FAIM2: variants seen among roughly 807,000 people sequenced by gnomAD.
The protein encoded by FAIM2 is protein lifeguard 2.
FAIM2 carries 27 observed loss-of-function variants against 47.4 expected under a neutral mutation model. The observed-to-expected ratio is 0.57, with a 90% CI of 0.42 to 0.78. FAIM2 has a LOEUF of 0.78. Among genes scored for constraint, FAIM2 ranks in the 30% least tolerant of loss-of-function variants. The pLI is 0.00. For missense variants in FAIM2, 311 were observed against 389.4 expected (o/e 0.80, Z 1.69); for synonymous variants, 156 against 159.3 (o/e 0.98, Z 0.16).
At position 49,901,377 on chromosome 12, in the gene FAIM2, C is replaced by T. The variant is rs769941869; in HGVS notation, c.16-52G>A. 3 of 1,370,676 alleles carry T rather than the reference C, an allele frequency of 2.2e-6. No homozygotes were observed. In the East Asian group the frequency reaches 7.9e-5, roughly 36 times the overall value. The allele number at this position is 1,370,676 out of a possible 1,614,324, so 84.9% of individuals were successfully genotyped here. ...TAGTCACCAGGGAAAGGGAGCCTTCCAACTCCTCCTCCTCACCAACTCTTC... is the reference window on the plus strand; with the variant it reads ...TAGTCACCAGGGAAAGGGAGCCTTCTAACTCCTCCTCCTCACCAACTCTTC... On this transcript the variant is annotated intron_variant, in intron 1 of 11. Transcript: ENST00000320634.
chr12:49,879,917 CAT>C (rs201150844), intron 11 of FAIM2, among the ~76,000 whole-genome samples: 4,167 of 144,134 alleles, frequency 0.029, 131 homozygotes, highest in African/African-American at 0.1. Context: ...TATATGTGTG[CAT>C]ATGTGTATGT....
At position 49,897,076 on chromosome 12, in the gene FAIM2, A is replaced by C; in HGVS notation, c.389T>G (p.Val130Gly). The part of the protein sequence containing the change: ...VVALFTFCDP[V>G]KDYVQANPGW... ...TGGGTTGGCCTGGACATAGTCCTTG[A>C]CAGGGTCACTGCAGAGAAGAGAGAG... The change falls in exon 5 of 12, where the codon GTC becomes GGC. Residue 130 changes from valine to glycine, a missense_variant. Coordinates refer to ENST00000320634, the MANE Select transcript of FAIM2 (RefSeq NM_012306.4). 6.2e-7 allele frequency: 1 copy of C among 1,613,500 alleles called. No homozygotes were observed. Among genetic ancestry groups the C allele is most frequent in the Non-Finnish European group, 8.5e-7 (1 of 1,179,426 alleles).
intron 11 of FAIM2, among the ~76,000 whole-genome samples, chr12:49,875,250 G>A (rs1270749856): frequency 6.6e-6 from 1 of 152,202 alleles, no homozygotes; most frequent in Non-Finnish European, 1.5e-5. Flanking sequence ...TCTGCGGCAG[G>A]TGTCGCACTA....
intron 5 of FAIM2, among the ~76,000 whole-genome samples, 157 bp downstream of exon 5, chr12:49,896,874 G>A (rs778329316): frequency 8.5e-5 from 13 of 152,184 alleles, no homozygotes; most frequent in Admixed American, 5.2e-4. Flanking sequence ...CTCTGAAGCC[G>A]ACAGAATGGG....
chr12:49,880,567 T>C (rs1296066725), intron 11 of FAIM2, among the ~76,000 whole-genome samples: 1 of 10,400 alleles, frequency 9.6e-5, no homozygotes, highest in African/African-American at 9.5e-4. Context: ...TGTGCATGTG[T>C]GTATCTGTGC....
At chr12:49,881,398 T>C (rs1946824780) in intron 11 of FAIM2, among the ~76,000 whole-genome samples, 1 of 152,174 alleles carries the variant, frequency 6.6e-6, no homozygotes. Flanking sequence ...TAATGTCCTA[T>C]GCCTCATTCC....
At chr12:49,895,324 C>G (rs1454429605) in intron 5 of FAIM2, among the ~76,000 whole-genome samples, 2 of 151,996 alleles carry the variant, frequency 1.3e-5, no homozygotes, top group Admixed American at 6.5e-5. Context: ...CCCTCCCAAT[C>G]CCCCCATCCC....
At chr12:49,903,656 C>T (rs965669182) in intron 1 of FAIM2, 122 bp downstream of exon 1, 2 of 1,313,698 alleles carry the variant, frequency 1.5e-6, no homozygotes, top group Non-Finnish European at 2.1e-6. Flanking sequence ...GCAAGGACCA[C>T]GGAGGACCTT....
At chr12:49,882,110 T>A (rs975506688) in intron 11 of FAIM2, among the ~76,000 whole-genome samples, 10 of 152,226 alleles carry the variant, frequency 6.6e-5, no homozygotes, top group African/African-American at 2.4e-4. Context: ...CACAGTCTCC[T>A]TGAGGCGACA....
intron 11 of FAIM2, among the ~76,000 whole-genome samples, chr12:49,886,018 C>T (rs1367003363): frequency 2.0e-5 from 3 of 152,180 alleles, no homozygotes; most frequent in Non-Finnish European, 4.4e-5. Context: ...CCCATTTCAG[C>T]CCCCTCAGCC....
chr12:49,886,454 G>T (rs1176926970), intron 11 of FAIM2, among the ~76,000 whole-genome samples: 1 of 152,132 alleles, frequency 6.6e-6, no homozygotes, highest in Non-Finnish European at 1.5e-5. Flanking sequence ...CTGAGCTTCA[G>T]TTTCCCCATC....
intron 2 of FAIM2, 151 bp from the exon 3 acceptor site, chr12:49,898,241 C>A: frequency 1.6e-6 from 1 of 642,156 alleles, no homozygotes; most frequent in South Asian, 1.7e-5. Flanking sequence ...AACACCCAGC[C>A]CGGCTCCACC....
intron 5 of FAIM2, among the ~76,000 whole-genome samples, chr12:49,894,450 G>A (rs1012020755): frequency 6.6e-6 from 1 of 152,168 alleles, no homozygotes; most frequent in Non-Finnish European, 1.5e-5. Flanking sequence ...GAGGCGATGA[G>A]GGCCTTGAGA....
intron 10 of FAIM2, 133 bp downstream of exon 10, chr12:49,888,974 G>A (rs1946880347): frequency 2.9e-6 from 2 of 684,288 alleles, no homozygotes; most frequent in Non-Finnish European, 2.6e-6. Context: ...GGTGCCAGGA[G>A]GGGCCGCACA....
chr12:49,879,530 GTA>G (rs1450353402), intron 11 of FAIM2, among the ~76,000 whole-genome samples: 7 of 151,394 alleles, frequency 4.6e-5, no homozygotes, highest in Non-Finnish European at 8.8e-5. Flanking sequence ...GTGTCCATGT[GTA>G]TATATGTGAG....
chr12:49,890,608 C>A, intron 7 of FAIM2, 75 bp downstream of exon 7: 2 of 1,431,832 alleles, frequency 1.4e-6, no homozygotes, highest in South Asian at 2.3e-5. Context: ...TCTTCCTGGT[C>A]CTCAATCCAC....
In FAIM2 at chr12:49,890,694, G is replaced by A. The variant is rs200582480; in HGVS notation, c.514C>T (p.Leu172=). Residue 172 remains leucine, a synonymous_variant, in exon 7 of 12, where the codon CTG becomes TTG. Transcript: ENST00000320634. ...CCAGGATCACTTACAAAGACGGTCA[G>A]GAGAATCAGGTTCCAGGGGAAATGC... The part of the protein sequence containing the change: ...RRHFPWNLIL[L]TVFTLSMAYL... 5.6e-4 allele frequency: 905 copies of A among 1,614,056 alleles called. 10 individuals are homozygous for A. In the South Asian group the frequency reaches 9.1e-3, roughly 16 times the overall value.
chr12:49,891,149 C>A (rs1013877094), intron 5 of FAIM2, 35 bp from the exon 6 acceptor site: 1 of 1,602,130 alleles, frequency 6.2e-7, no homozygotes, highest in Admixed American at 1.7e-5. Flanking sequence ...AGTCAGCCAG[C>A]CTCTCCTGGG....
intron 5 of FAIM2, among the ~76,000 whole-genome samples, chr12:49,892,104 C>T (rs1008068199): frequency 6.6e-6 from 1 of 152,142 alleles, no homozygotes; most frequent in African/African-American, 2.4e-5. Flanking sequence ...CCTCCCAGGC[C>T]CCCTCACTCT....
Sources: allele counts gnomAD v4.1 joint callset (sites outside exome capture counted in the v4.1 genomes callset), GRCh38; gene constraint gnomAD v4.1.1; transcripts MANE v1.5; gene names NCBI Gene and HGNC (gene_info 2026-07-23, HGNC 2026-07-21).